The following MICAL2 variants were observed in gnomAD, a reference collection of about 807,000 sequenced individuals.
MICAL2 encodes the protein microtubule associated monooxygenase, calponin and LIM domain containing 2.
MICAL2 carries 77 observed loss-of-function variants against 127.3 expected under a neutral mutation model. The ratio of observed to expected loss-of-function variants is 0.60; its 90% confidence interval spans 0.50 to 0.73. MICAL2 has a LOEUF of 0.73. Among genes scored for constraint, MICAL2 ranks in the 30% least tolerant of loss-of-function variants. The probability of loss-of-function intolerance (pLI) is 0.00; values close to 1 mark genes in which losing one functional copy is unlikely to be tolerated. For synonymous variants in MICAL2, 570 were observed against 551.1 expected, an observed-to-expected ratio of 1.03 and a Z score of -0.48; for missense variants, 1,351 against 1,434.4, an observed-to-expected ratio of 0.94 and a Z score of 0.94.
rs956949944 is a variant in MICAL2, at chr11:12,164,981, CAAA to C, written c.264+2568_264+2570del. Among the ~76,000 whole-genome samples, 4 of 151,348 alleles carry C rather than the reference CAAA, an allele frequency of 2.6e-5. No homozygotes were observed. In the East Asian group the frequency reaches 7.8e-4, roughly 29 times the overall value. On this transcript the variant is annotated intron_variant, in intron 3 of 27. Transcript: ENST00000683283. ...GAAACCCCATCTCTACTAAAAAATA[CAAA>C]AAAAATTAGCCAGGTGTGGTGGCAA...
chr11:12,327,368 C>G, intron 32 of MICAL2: 2 of 911,498 alleles, frequency 2.2e-6, no homozygotes, highest in Non-Finnish European at 3.3e-6. Context: ...GGAGATCTGT[C>G]AGCATGGACA....
chr11:12,151,343 A>G (rs1853558509), intron 2 of MICAL2, among the ~76,000 whole-genome samples: 1 of 152,108 alleles, frequency 6.6e-6, no homozygotes, highest in Admixed American at 6.5e-5. Context: ...CCCGGTTGTT[A>G]TTGGAAGTTG....
At chr11:12,259,458 G>A (rs1426596116) in intron 25 of MICAL2, among the ~76,000 whole-genome samples, 4 of 152,164 alleles carry the variant, frequency 2.6e-5, no homozygotes, top group African/African-American at 4.8e-5. Context: ...TCTTTACGTC[G>A]TTGGAATTTT....
At position 12,162,457 on chromosome 11, in the gene MICAL2, G is replaced by T. The variant is rs374776470; in HGVS notation, c.264+38G>T. On this transcript the variant is annotated intron_variant, in intron 3 of 27. Coordinates refer to ENST00000683283, the MANE Select transcript of MICAL2 (RefSeq NM_001282663.2). ...CCTCCTAGTCTTACCTTTGCAGGGC[G>T]TGTGGGTTGACATTTGGGAGGTTAG... 13 of 1,606,694 alleles carry T rather than the reference G, an allele frequency of 8.1e-6. No homozygotes were observed. The African/African-American group carries it at 1.6e-4, about 20-fold the overall frequency.
At chr11:12,213,180 C>T in intron 6 of MICAL2, 75 bp from the exon 7 acceptor site, 1 of 1,480,458 alleles carries the variant, frequency 6.8e-7, no homozygotes, top group Admixed American at 2.0e-5. Flanking sequence ...CTGGGAACAG[C>T]TCTCCCAATA....
At chr11:12,153,889 G>A (rs552764205) in intron 2 of MICAL2, among the ~76,000 whole-genome samples, 1 of 152,336 alleles carries the variant, frequency 6.6e-6, no homozygotes, top group Admixed American at 6.5e-5. Context: ...ATGCAGAAGT[G>A]TCTGCAAAGG....
intron 30 of MICAL2, chr11:12,323,837 T>C: frequency 1.0e-6 from 1 of 954,584 alleles, no homozygotes; most frequent in Non-Finnish European, 1.5e-6. Flanking sequence ...TTGCAGAGAG[T>C]TCTACCAGAT....
intron 1 of MICAL2, among the ~76,000 whole-genome samples, chr11:12,126,076 G>A (rs1433314537): frequency 2.6e-5 from 4 of 152,204 alleles, no homozygotes; most frequent in Admixed American, 6.5e-5. Context: ...CTCCTGCAGA[G>A]CCTGGCATAG....
chr11:12,298,839 T>C (rs948545822), intron 29 of MICAL2, among the ~76,000 whole-genome samples: 4 of 152,208 alleles, frequency 2.6e-5, no homozygotes, highest in African/African-American at 9.7e-5. Flanking sequence ...CTGAGATAAA[T>C]ACCACTTGGT....
intron 13 of MICAL2, among the ~76,000 whole-genome samples, chr11:12,225,065 C>G (rs1206977988): frequency 6.7e-6 from 1 of 149,026 alleles, no homozygotes; most frequent in Non-Finnish European, 1.5e-5. Context: ...CACCTCACCC[C>G]CCACTACCCT....
intron 29 of MICAL2, among the ~76,000 whole-genome samples, chr11:12,316,096 CTTATTGATTAGAG>C (rs575596819): frequency 9.9e-5 from 15 of 152,044 alleles, no homozygotes; most frequent in Admixed American, 6.5e-4. Context: ...CATGATCTTT[CTTATTGATTAGAG>C]TTATCACACT....
At chr11:12,309,246 A>G (rs1194193778) in intron 29 of MICAL2, among the ~76,000 whole-genome samples, 5 of 151,996 alleles carry the variant, frequency 3.3e-5, no homozygotes. Flanking sequence ...GTTACCTATA[A>G]TTTTCCTATT....
At chr11:12,241,748 T>G (rs1283445495) in intron 18 of MICAL2, among the ~76,000 whole-genome samples, 3 of 152,172 alleles carry the variant, frequency 2.0e-5, no homozygotes, top group South Asian at 2.1e-4. Flanking sequence ...AGCATTAGGA[T>G]TTGTGTGTTG....
intron 29 of MICAL2, among the ~76,000 whole-genome samples, chr11:12,317,144 C>A (rs1215086513): frequency 2.0e-5 from 3 of 152,224 alleles, no homozygotes; most frequent in Non-Finnish European, 4.4e-5. Context: ...ATAGCTCCCT[C>A]TTCTCCAATA....
rs149267916 is a variant in MICAL2, at chr11:12,226,236, A to T, written c.1754A>T (p.Glu585Val). The change falls in exon 14 of 28, where the codon GAG (glutamate) becomes GTG (valine). Residue 585 changes from glutamate to valine, a missense_variant. By Grantham distance (121) the Glu-to-Val change is moderately radical. This residue lies in a region of MICAL2 where 752 missense variants were observed against 719.4 expected (regional missense o/e 1.05). Coordinates refer to ENST00000683283, the MANE Select transcript of MICAL2 (RefSeq NM_001282663.2). Reference protein sequence around the residue: ...ENNQLAFDVAEREFGIPPVTT... With the variant: ...ENNQLAFDVAVREFGIPPVTT... ...AACCAGCTCGCATTTGATGTGGCCG[A>T]GCGAGAGTTTGGGATCCCTCCAGTG... 6.2e-7 allele frequency: 1 copy of T among 1,614,246 alleles called. No homozygotes were observed. Among genetic ancestry groups the T allele is most frequent in the South Asian group, 1.1e-5 (1 of 91,084 alleles).
chr11:12,137,662 C>T (rs1044769224), intron 1 of MICAL2, among the ~76,000 whole-genome samples: 16 of 152,112 alleles, frequency 1.1e-4, no homozygotes, highest in African/African-American at 3.9e-4. Flanking sequence ...GCGTATACCT[C>T]CCTGGAGTAT....
chr11:12,158,151 G>C (rs895222905), intron 2 of MICAL2, among the ~76,000 whole-genome samples: 6 of 151,856 alleles, frequency 4.0e-5, no homozygotes, highest in African/African-American at 1.5e-4. Context: ...TGGATTTTGG[G>C]ATTTGGGATG....
chr11:12,292,130 C>A, downstream of MICAL2: 1 of 1,611,470 alleles, frequency 6.2e-7, no homozygotes, highest in Non-Finnish European at 8.5e-7. Flanking sequence ...AGAGTGTGTT[C>A]TTTCCTTGGT....
At chr11:12,315,479 C>A (rs1864221299) in intron 29 of MICAL2, among the ~76,000 whole-genome samples, 2 of 152,082 alleles carry the variant, frequency 1.3e-5, no homozygotes, top group South Asian at 4.2e-4. Flanking sequence ...TTTGTGATTT[C>A]TTTTTTTGAC....
Sources: gnomAD v4.1 joint callset for allele counts (sites outside exome capture counted in the v4.1 genomes callset) on GRCh38, gnomAD v4.1.1 for gene constraint, gnomAD v4.1.1 regional missense constraint, MANE v1.5 for transcripts, NCBI Gene and HGNC (gene_info 2026-07-23, HGNC 2026-07-21) for gene names.